SIPA1L1: variants seen among roughly 807,000 people sequenced by gnomAD.
The protein encoded by SIPA1L1 is signal induced proliferation associated 1 like 1, also known as signal-induced proliferation-associated 1-like protein 1.
Under a neutral mutation model 162.7 loss-of-function variants are expected in SIPA1L1, and 26 were observed. That is an observed-to-expected ratio of 0.16 (90% CI 0.12 to 0.22). SIPA1L1 has a LOEUF of 0.22. Among genes scored for constraint, SIPA1L1 ranks in the 10% least tolerant of loss-of-function variants. The pLI is 1.00. For synonymous variants in SIPA1L1, 829 were observed against 837.4 expected (o/e 0.99, Z 0.17); for missense variants, 1,874 against 2,241.0 (o/e 0.84, Z 3.31).
chr14:71,631,317 C>T (rs1425939009), intron 7 of SIPA1L1, among the ~76,000 whole-genome samples: 8 of 152,062 alleles, frequency 5.3e-5, no homozygotes, highest in South Asian at 4.2e-4. Flanking sequence ...AGATTTTTTT[C>T]GTCAGTACAT....
chr14:71,638,396 A>G (rs2148872304), intron 7 of SIPA1L1, among the ~76,000 whole-genome samples: 1 of 152,348 alleles, frequency 6.6e-6, no homozygotes, highest in Non-Finnish European at 1.5e-5. Context: ...TTGAAAAATC[A>G]ATTAATGTAG....
At chr14:71,352,283 C>T (rs1189060554) in intron 2 of SIPA1L1, among the ~76,000 whole-genome samples, 1 of 151,944 alleles carries the variant, frequency 6.6e-6, no homozygotes, top group East Asian at 1.9e-4. Flanking sequence ...CTCAGGTGAT[C>T]CTCCCACCTC....
intron 5 of SIPA1L1, among the ~76,000 whole-genome samples, chr14:71,599,061 T>A (rs1426631605): frequency 2.6e-5 from 4 of 152,090 alleles, no homozygotes; most frequent in African/African-American, 9.7e-5. Context: ...ATGCAATATT[T>A]GTCTTTATGT....
chr14:71,529,474 T>G (rs1262037187), intron 4 of SIPA1L1, 104 bp downstream of exon 4: 1 of 528,758 alleles, frequency 1.9e-6, no homozygotes, highest in Non-Finnish European at 3.4e-6. Context: ...AAACAAAATT[T>G]TAAAAAATCT....
At chr14:71,604,058 CT>C (rs1384299819) in intron 5 of SIPA1L1, among the ~76,000 whole-genome samples, 2 of 146,846 alleles carry the variant, frequency 1.4e-5, no homozygotes, top group Non-Finnish European at 3.0e-5. Flanking sequence ...GTGTAGAGGC[CT>C]GATCTCAGCT....
intron 4 of SIPA1L1, among the ~76,000 whole-genome samples, chr14:71,544,137 ATACATATATGCACGTGTGTGTATATG>A (rs1424737161): frequency 2.4e-4 from 36 of 150,866 alleles, no homozygotes; most frequent in Admixed American, 9.2e-4. Flanking sequence ...GTGTATGTAT[ATACATATATGCACGTGTGTGTATATG>A]TACATATATG....
At chr14:71,710,822 A>AAAAAG (rs1555362342) in intron 17 of SIPA1L1, among the ~76,000 whole-genome samples, 9 of 151,260 alleles carry the variant, frequency 6.0e-5, no homozygotes, top group African/African-American at 1.9e-4. Flanking sequence ...AAAAAAAAAA[A>AAAAAG]AAAGAAAGAA....
intron 9 of SIPA1L1, among the ~76,000 whole-genome samples, chr14:71,660,041 A>T (rs1467025498): frequency 6.6e-6 from 1 of 152,018 alleles, no homozygotes. Context: ...GGAAAAATGG[A>T]TTTGTTTCTA....
At chr14:71,432,326 GC>G (rs1475996699) in intron 2 of SIPA1L1, among the ~76,000 whole-genome samples, 2 of 152,048 alleles carry the variant, frequency 1.3e-5, no homozygotes, top group Non-Finnish European at 2.9e-5. Context: ...TCCTGCCTCG[GC>G]CTCCCAGATT....
intron 2 of SIPA1L1, among the ~76,000 whole-genome samples, chr14:71,391,964 G>A (rs1006152033): frequency 3.3e-5 from 5 of 152,150 alleles, no homozygotes; most frequent in Non-Finnish European, 5.9e-5. Context: ...AAGATTCCAC[G>A]CTGTTAAAGA....
intron 8 of SIPA1L1, among the ~76,000 whole-genome samples, chr14:71,657,950 C>T (rs1387136432): frequency 6.6e-6 from 1 of 152,090 alleles, no homozygotes; most frequent in Non-Finnish European, 1.5e-5. Context: ...TTGCAGACAT[C>T]TCAAGAGTGT....
At chr14:71,570,200 G>A (rs2031691350) in intron 4 of SIPA1L1, among the ~76,000 whole-genome samples, 1 of 151,996 alleles carries the variant, frequency 6.6e-6, no homozygotes, top group Admixed American at 6.6e-5. Flanking sequence ...AACAAGCCGT[G>A]CCTCACACAG....
intron 10 of SIPA1L1, among the ~76,000 whole-genome samples, chr14:71,666,863 C>A: frequency 7.2e-6 from 1 of 139,050 alleles, no homozygotes; most frequent in South Asian, 2.3e-4. Flanking sequence ...CCTCTTTCCT[C>A]TCTGTAAAAA....
intron 2 of SIPA1L1, among the ~76,000 whole-genome samples, chr14:71,472,171 C>T (rs147201162): frequency 6.6e-6 from 1 of 152,246 alleles, no homozygotes; most frequent in East Asian, 1.9e-4. Flanking sequence ...CTCTCATGTC[C>T]TTCTGTGTCA....
At chr14:71,379,959 G>A (rs1280912975) in intron 2 of SIPA1L1, among the ~76,000 whole-genome samples, 1 of 151,926 alleles carries the variant, frequency 6.6e-6, no homozygotes, top group African/African-American at 2.4e-5. Context: ...ACTTATTATT[G>A]CCATATTCTT....
intron 3 of SIPA1L1, among the ~76,000 whole-genome samples, chr14:71,521,747 A>G (rs1430130746): frequency 1.3e-5 from 2 of 152,218 alleles, no homozygotes; most frequent in Non-Finnish European, 2.9e-5. Context: ...CCAGTTTTCC[A>G]AAGGAGCCGT....
intron 2 of SIPA1L1, among the ~76,000 whole-genome samples, chr14:71,331,600 G>A (rs1381638828): frequency 6.6e-6 from 1 of 152,170 alleles, no homozygotes; most frequent in African/African-American, 2.4e-5. Context: ...TATCACAACA[G>A]TCAGATGTGT....
At chr14:71,596,315 A>C (rs2036024384) in intron 5 of SIPA1L1, among the ~76,000 whole-genome samples, 1 of 152,180 alleles carries the variant, frequency 6.6e-6, no homozygotes, top group Non-Finnish European at 1.5e-5. Context: ...CAGCATGCTC[A>C]GCTATTGACT....
intron 4 of SIPA1L1, among the ~76,000 whole-genome samples, chr14:71,551,312 C>T (rs2055806888): frequency 6.6e-6 from 1 of 152,136 alleles, no homozygotes; most frequent in African/African-American, 2.4e-5. Flanking sequence ...ACTGAAGTCT[C>T]ACATTCTAGG....
Sources: gnomAD v4.1 joint callset for allele counts (sites outside exome capture counted in the v4.1 genomes callset) on GRCh38, gnomAD v4.1.1 for gene constraint, MANE v1.5 for transcripts, NCBI Gene and HGNC (gene_info 2026-07-23, HGNC 2026-07-21) for gene names.